CARS1: variants seen among roughly 807,000 people sequenced by gnomAD.
The protein encoded by CARS1 is cysteinyl-tRNA synthetase 1.
In CARS1, 48 loss-of-function variants were observed where a neutral mutation model predicts 106.2. The ratio of observed to expected loss-of-function variants is 0.45; its 90% CI spans 0.36 to 0.57. The LOEUF is 0.57. Among genes scored for constraint, CARS1 ranks in the 20% least tolerant of loss-of-function variants. The pLI is 0.00. For synonymous variants in CARS1, 409 were observed against 403.4 expected, an observed-to-expected ratio of 1.01 and a Z score of -0.17; for missense variants, 968 against 1,057.2, an observed-to-expected ratio of 0.92 and a Z score of 1.17.
intron 19 of CARS1, among the ~76,000 whole-genome samples, chr11:3,006,559 G>A (rs952392270): frequency 1.6e-4 from 24 of 152,276 alleles, no homozygotes; most frequent in African/African-American, 1.7e-4. Context: ...ACAGTGTACA[G>A]GATACAGGCT....
Position 3,037,140 on chromosome 11 carries a change from A to G in CARS1, c.801+910T>C, listed in dbSNP as rs1351904466. Among the ~76,000 whole-genome samples the G allele has an allele frequency of 6.6e-6, 1 of 152,212 alleles. No individual in the cohort carries two copies. The highest frequency in any genetic ancestry group is 2.4e-5 in the African/African-American group (1 of 41,460). On this transcript the variant is annotated intron_variant, in intron 7 of 22. Transcript: ENST00000380525. This position sits in a 1 kb window ranked among gnomAD's most constrained non-coding sequence, Gnocchi z 5.9. ...TCGGCTCCCAGGCAGGCACTGAGGC[A>G]GTGACAGTGACCACATGTGGGTCGT...
intron 10 of CARS1, among the ~76,000 whole-genome samples, chr11:3,023,245 C>T (rs751072184): frequency 1.3e-5 from 2 of 152,188 alleles, no homozygotes; most frequent in African/African-American, 4.8e-5. Context: ...CCACTCCCAC[C>T]TTTCCCATGT....
chr11:3,015,942 G>A, intron 16 of CARS1, 93 bp from the exon 17 acceptor site: 1 of 1,080,072 alleles, frequency 9.3e-7, no homozygotes, highest in Admixed American at 1.8e-5. Context: ...TTCACGGGAG[G>A]GGGTGCCCCA....
At position 3,012,256 on chromosome 11, in the gene CARS1, G is replaced by A. The variant is rs764147082; in HGVS notation, c.2007C>T (p.Pro669=). 2 of 1,614,232 alleles carry A rather than the reference G, an allele frequency of 1.2e-6. No homozygotes were observed. Among genetic ancestry groups the A allele is most frequent in the East Asian group, 2.2e-5 (1 of 44,884 alleles). Residue 669 remains proline (P), a synonymous_variant, in exon 18 of 23, where the codon CCC becomes CCT. Transcript: ENST00000380525. Reference sequence around the variant, plus strand: ...GGAATTCTGATAACACCTGAAGGTAGGGCATGACTGTGGCCTCGAGCTGCG... The same window carrying A: ...GGAATTCTGATAACACCTGAAGGTAAGGCATGACTGTGGCCTCGAGCTGCG... ...TSLSLEATVM[P]YLQVLSEFRE...
chr11:3,018,186 A>G (rs1304474405), intron 14 of CARS1: 1 of 610,246 alleles, frequency 1.6e-6, no homozygotes, highest in Non-Finnish European at 2.9e-6. Context: ...CGTGCACTGC[A>G]GTGACTAGGA....
At position 3,034,468 on chromosome 11, in the gene CARS1, G is replaced by A. The variant is rs192800176; in HGVS notation, c.801+3582C>T. 4.6e-5 allele frequency among the ~76,000 whole-genome samples: 7 copies of A among 152,176 alleles called. No homozygotes were observed. The highest frequency in any genetic ancestry group is 9.6e-5 in the African/African-American group (4 of 41,528). On this transcript the variant is annotated intron_variant, in intron 7 of 22. Coordinates refer to ENST00000380525, the MANE Select transcript of CARS1 (RefSeq NM_001014437.3). The surrounding 1 kb of genome is among the most constrained non-coding windows in gnomAD (Gnocchi z 6.3). ...ACCCCTGACCTCAGGTGATCCGCCC[G>A]CCTCAGCCTCCCAAAGTGCTAGGAT... is the stretch of plus-strand genomic sequence containing the variant.
chr11:3,019,220 G>A lies in CARS1; in HGVS notation c.1314C>T (p.Leu438=), dbSNP rs757844678. The A allele has an allele frequency of 5.8e-5, 88 of 1,509,002 alleles. No individual in the cohort carries two copies. The highest frequency in any genetic ancestry group is 7.5e-5 in the Non-Finnish European group (85 of 1,127,602). The allele number at this position is 1,509,002 out of a possible 1,614,324, so 93.5% of individuals were successfully genotyped here. A position where few individuals can be genotyped will look rare whatever the true frequency, so the allele number is the denominator to read the frequency against. The part of the protein sequence containing the change: ...HIECSAMAGT[L]LGASMDIHGG... ...CGTGAATGTCCATCGAAGCCCCTAGGAGGGTGCCTGCCATGGCCGAGCACT... is the reference window on the plus strand; with the variant it reads ...CGTGAATGTCCATCGAAGCCCCTAGAAGGGTGCCTGCCATGGCCGAGCACT... The change falls in exon 12 of 23, where the codon CTC becomes CTT. Residue 438 remains leucine (L), a synonymous_variant. Coordinates refer to ENST00000380525, the MANE Select transcript of CARS1 (RefSeq NM_001014437.3). This position sits in a 1 kb window ranked among gnomAD's most constrained non-coding sequence, Gnocchi z 6.2.
At chr11:3,014,472 C>T (rs1004923285) in intron 17 of CARS1, among the ~76,000 whole-genome samples, 9 of 152,216 alleles carry the variant, frequency 5.9e-5, no homozygotes, top group Non-Finnish European at 1.0e-4. Flanking sequence ...CTGGGGGATG[C>T]GGATGCGTGT....
rs1446330102 is a variant in CARS1, at chr11:3,012,501, A to G, written c.1987-225T>C. Among the ~76,000 whole-genome samples the G allele has an allele frequency of 3.3e-5, 5 of 152,218 alleles. No homozygotes were observed. The South Asian group carries it at 6.2e-4, about 19-fold the overall frequency. ...CAGACTCTCAGGCCAGAGAGCATGA[A>G]GTGAGCTTCCTTTCTACTGCAGCAG... On this transcript the variant is annotated intron_variant, in intron 17 of 22. Coordinates refer to ENST00000380525, the MANE Select transcript of CARS1 (RefSeq NM_001014437.3).
Position 3,019,169 on chromosome 11 carries a change from G to A in CARS1, c.1365C>T (p.Pro455=), listed in dbSNP as rs749671411. The A allele has an allele frequency of 6.6e-7, 1 of 1,524,002 alleles. No homozygotes were observed. The highest frequency in any genetic ancestry group is 1.3e-5 in the South Asian group (1 of 76,252). 94.4% of individuals were successfully genotyped at this position (1,524,002 alleles called of 1,614,324 possible). The change falls in exon 12 of 23, where the codon CCC becomes CCT. Residue 455 remains proline (P), a synonymous_variant. Coordinates refer to ENST00000380525, the MANE Select transcript of CARS1 (RefSeq NM_001014437.3). This position sits in a 1 kb window ranked among gnomAD's most constrained non-coding sequence, Gnocchi z 6.2. The part of the protein sequence containing the change: ...IHGGGFDLRF[P]HHDNELAQSE... The stretch of plus-strand genomic sequence containing the variant: ...ACTGTGCCAGCTCATTGTCATGGTG[G>A]GGGAACCGGAGGTCGAACCCACCTC...
rs893744920 is a variant in CARS1 at position 3,028,314 on chromosome 11, C to T, written c.1031+682G>A. On this transcript the variant is annotated intron_variant, in intron 9 of 22. Coordinates refer to ENST00000380525, the MANE Select transcript of CARS1 (RefSeq NM_001014437.3). This position sits in a 1 kb window ranked among gnomAD's most constrained non-coding sequence, Gnocchi z 4.4. ...TGGCATTCGGGGCCACTACCGGTCT[C>T]CGCGTCTTGGTGGTAGTGGTCCCCC... 10 of 538,844 alleles carry T rather than the reference C, an allele frequency of 1.9e-5. No individual in the cohort carries two copies. The highest frequency in any genetic ancestry group is 3.4e-5 in the Non-Finnish European group (10 of 293,944). 33.4% of individuals were successfully genotyped at this position (538,844 alleles called of 1,614,324 possible).
rs950210049 is a variant in CARS1, at chr11:3,017,441, G to C, written c.1728-146C>G. 7.7e-6 allele frequency: 5 copies of C among 645,740 alleles called. No homozygotes were observed. The East Asian group carries it at 1.4e-4, about 17-fold the overall frequency. The allele number at this position is 645,740 out of a possible 1,614,324, so 40.0% of individuals were successfully genotyped here. Reference sequence around the variant, plus strand: ...GCGGATCACCTGAGGTCGGGAGTTCGAGACCAGCCTGACAAACATGGAGAG... The same window carrying C: ...GCGGATCACCTGAGGTCGGGAGTTCCAGACCAGCCTGACAAACATGGAGAG... On this transcript the variant is annotated intron_variant, in intron 15 of 22. Transcript: ENST00000380525. The surrounding 1 kb of genome is among the most constrained non-coding windows in gnomAD (Gnocchi z 4.9).
intron 22 of CARS1, 122 bp from the exon 23 acceptor site, chr11:3,001,370 G>C (rs1849389658): frequency 8.7e-7 from 1 of 1,146,988 alleles, no homozygotes; most frequent in Non-Finnish European, 1.2e-6. Flanking sequence ...CCTCTTGCTT[G>C]GACATTCAGT....
In CARS1 at chr11:3,038,306, T is replaced by C. The variant is rs1339656841; in HGVS notation, c.652-107A>G. 11 of 1,047,376 alleles carry C rather than the reference T, an allele frequency of 1.1e-5. No individual in the cohort carries two copies. The highest frequency in any genetic ancestry group is 2.4e-5 in the East Asian group (1 of 41,966). The allele number at this position is 1,047,376 out of a possible 1,614,324, so 64.9% of individuals were successfully genotyped here. ...CAGAACGGTTTTTCCCATGGCCCCA[T>C]AGAGATAGAGAAGTGTGCAACCCAA... On this transcript the variant is annotated intron_variant, in intron 6 of 22. Coordinates refer to ENST00000380525, the MANE Select transcript of CARS1 (RefSeq NM_001014437.3). The surrounding 1 kb of genome is among the most constrained non-coding windows in gnomAD (Gnocchi z 4.0).
intron 10 of CARS1, among the ~76,000 whole-genome samples, chr11:3,023,468 C>T (rs910531236): frequency 1.3e-5 from 2 of 152,202 alleles, no homozygotes; most frequent in African/African-American, 2.4e-5. Context: ...AATCACAGCT[C>T]ACTACAGCCT....
At chr11:3,036,959 A>T (rs112910765) in intron 7 of CARS1, among the ~76,000 whole-genome samples, 24 of 151,958 alleles carry the variant, frequency 1.6e-4, no homozygotes, top group African/African-American at 4.9e-4. Flanking sequence ...AAAAGTTTTT[A>T]AAAATGGCTA....
In CARS1 at chr11:3,030,968, A is replaced by T. The variant is rs1038538088; in HGVS notation, c.802-1525T>A. 1.3e-5 allele frequency: 2 copies of T among 152,246 alleles called. No homozygotes were observed. Among genetic ancestry groups the T allele is most frequent in the African/African-American group, 4.8e-5 (2 of 41,460 alleles). 9.4% of individuals were successfully genotyped at this position (152,246 alleles called of 1,614,324 possible). A position where few individuals can be genotyped will look rare whatever the true frequency, so the allele number is the denominator to read the frequency against. ...CATCCAAAATGAAACAGAGACAAGA[A>T]GGAAAATTTTATGAAAGACAGGTTA... On this transcript the variant is annotated intron_variant, in intron 7 of 22. Coordinates refer to ENST00000380525, the MANE Select transcript of CARS1 (RefSeq NM_001014437.3). This position sits in a 1 kb window ranked among gnomAD's most constrained non-coding sequence, Gnocchi z 5.7.
intron 1 of CARS1, among the ~76,000 whole-genome samples, chr11:3,057,003 C>A (rs930163511): frequency 1.1e-3 from 172 of 152,288 alleles, no homozygotes; most frequent in Non-Finnish European, 1.7e-3. Flanking sequence ...GTCCCAGTGG[C>A]CGTCCCTCGG....
Position 3,022,382 on chromosome 11 carries a change from C to T in CARS1, c.1154-2050G>A, listed in dbSNP as rs1590386789. On this transcript the variant is annotated intron_variant, in intron 10 of 22. Coordinates refer to ENST00000380525, the MANE Select transcript of CARS1 (RefSeq NM_001014437.3). The surrounding 1 kb of genome is among the most constrained non-coding windows in gnomAD (Gnocchi z 4.9). Reference sequence around the variant, plus strand: ...CTTCGCCCCTCACTTCCCCAGCAACCGGCAATCCCCATCACCTGTCCAGAG... The same window carrying T: ...CTTCGCCCCTCACTTCCCCAGCAACTGGCAATCCCCATCACCTGTCCAGAG... Among the ~76,000 whole-genome samples the T allele has an allele frequency of 1.3e-5, 2 of 152,120 alleles. No homozygotes were observed. The highest frequency in any genetic ancestry group is 2.9e-5 in the Non-Finnish European group (2 of 68,018).
Sources: allele counts gnomAD v4.1 joint callset (sites outside exome capture counted in the v4.1 genomes callset), GRCh38; gene constraint gnomAD v4.1.1; non-coding constraint Gnocchi (gnomAD v3.1); transcripts MANE v1.5; gene names NCBI Gene and HGNC (gene_info 2026-07-23, HGNC 2026-07-21).